Variants in DMBT1 observed in about 807,000 individuals in gnomAD.
The protein encoded by DMBT1 is scavenger receptor cysteine-rich domain-containing protein DMBT1.
Under a neutral mutation model 252.9 loss-of-function variants are expected in DMBT1, and 198 were observed. That is an observed-to-expected ratio of 0.78 (90% CI 0.70 to 0.88). DMBT1 has a LOEUF of 0.88. Ranked by LOEUF, DMBT1 falls within the 40% of genes least tolerant of loss-of-function variation. The probability of loss-of-function intolerance (pLI) is 0.00; values close to 1 mark genes in which losing one functional copy is unlikely to be tolerated. For missense variants in DMBT1, 2,432 were observed against 2,404.7 expected, an observed-to-expected ratio of 1.01 and a Z score of -0.24; for synonymous variants, 990 against 942.7, an observed-to-expected ratio of 1.05 and a Z score of -0.92.
intron 3 of DMBT1, 141 bp downstream of exon 3, chr10:122,570,350 A>G (rs3740224): frequency 1.3e-6 from 1 of 764,882 alleles, no homozygotes; most frequent in Non-Finnish European, 2.2e-6. Context: ...CCCAGGCTAC[A>G]ATGCCTGGGG....
chr10:122,562,289 A>G (rs1362807457), intron 1 of DMBT1, among the ~76,000 whole-genome samples: 2 of 151,976 alleles, frequency 1.3e-5, no homozygotes, highest in African/African-American at 4.8e-5. Context: ...TAACTTCTGG[A>G]ACTGTCACTC....
intron 27 of DMBT1, 82 bp from the exon 28 acceptor site, chr10:122,600,909 A>C (rs941903883): frequency 1.5e-6 from 1 of 657,406 alleles, no homozygotes; most frequent in South Asian, 1.8e-5. Context: ...TGCCAGGTGG[A>C]TTCCCCCTCC....
rs1240178545 is a variant in DMBT1 at position 122,577,242 on chromosome 10, C to A, written c.607+520C>A. Among the ~76,000 whole-genome samples, 4 of 152,208 alleles carry A rather than the reference C, an allele frequency of 2.6e-5. No homozygotes were observed. The East Asian group carries it at 7.7e-4, about 29-fold the overall frequency. ...GATCTGGTTGGTGAAGCCTTCCCTC[C>A]CCTTGAACACTGTATTACCTTGAGT... On this transcript the variant is annotated intron_variant, in intron 7 of 55. Coordinates refer to ENST00000338354, the MANE Select transcript of DMBT1 (RefSeq NM_001377530.1).
chr10:122,643,117 T>C lies in DMBT1; in HGVS notation c.7353-5T>C. Reference sequence around the variant, plus strand: ...GAGAGCTAAGGGGCTACTGTTCTCTTCCAGATGCGTGAGGGATGACACCTA... The same window carrying C: ...GAGAGCTAAGGGGCTACTGTTCTCTCCCAGATGCGTGAGGGATGACACCTA... On this transcript the variant is annotated splice_polypyrimidine_tract_variant and splice_region_variant and intron_variant, in intron 55 of 55. Transcript: ENST00000338354. The C allele has an allele frequency of 6.2e-7, 1 of 1,613,216 alleles. No individual in the cohort carries two copies. The highest frequency in any genetic ancestry group is 8.5e-7 in the Non-Finnish European group (1 of 1,179,354).
In DMBT1 at chr10:122,631,873, C is replaced by T; in HGVS notation, c.6365C>T (p.Pro2122Leu). The part of the protein sequence containing the change: ...VICSGNHLST[P>L]APFLNITRPN... Reference sequence around the variant, plus strand: ...TTTTCAGGAAACCATCTATCGACACCTGGTAAGTCCCTCCGATTTCCATTC... The same window carrying T: ...TTTTCAGGAAACCATCTATCGACACTTGGTAAGTCCCTCCGATTTCCATTC... Residue 2122 changes from proline (P) to leucine (L), a missense_variant and splice_region_variant, in exon 50 of 56, where the codon CCT becomes CTT. By Grantham distance (98) the Pro-to-Leu change is moderately conservative. Around this residue, in one of 3 missense-constraint regions of DMBT1, gnomAD observed 1,162 missense variants for 1,169.0 expected, o/e 0.99. Transcript: ENST00000338354. The T allele has an allele frequency of 6.2e-7, 1 of 1,613,910 alleles. No homozygotes were observed. Among genetic ancestry groups the T allele is most frequent in the Non-Finnish European group, 8.5e-7 (1 of 1,179,840 alleles).
chr10:122,633,522 G>C (rs759061210), intron 52 of DMBT1, among the ~76,000 whole-genome samples, 181 bp downstream of exon 52: 1 of 152,214 alleles, frequency 6.6e-6, no homozygotes, highest in Non-Finnish European at 1.5e-5. Flanking sequence ...ACCTAGCCCA[G>C]AGGCATCCCG....
In DMBT1 at chr10:122,640,458, T is replaced by G; in HGVS notation, c.7352+9T>G. The G allele has an allele frequency of 6.2e-7, 1 of 1,606,604 alleles. No homozygotes were observed. Among genetic ancestry groups the G allele is most frequent in the Non-Finnish European group, 8.5e-7 (1 of 1,176,116 alleles). On this transcript the variant is annotated intron_variant, in intron 55 of 55. Coordinates refer to ENST00000338354, the MANE Select transcript of DMBT1 (RefSeq NM_001377530.1). ...GATCTAATCCGGAGTGGGTAAGGAG[T>G]GTCTTTATGCGATGGCCTTAAACCT...
chr10:122,622,960 C>G (rs2098084731), intron 44 of DMBT1, among the ~76,000 whole-genome samples: 1 of 152,170 alleles, frequency 6.6e-6, no homozygotes, highest in Non-Finnish European at 1.5e-5. Context: ...CTTCCCTCTC[C>G]CTGGCTGTTG....
chr10:122,567,081 T>C (rs1395490056), intron 2 of DMBT1, among the ~76,000 whole-genome samples: 2 of 152,236 alleles, frequency 1.3e-5, no homozygotes, highest in East Asian at 3.9e-4. Flanking sequence ...TCACTTAGGA[T>C]GACTCTGCTC....
chr10:122,626,695 C>T (rs1460960518), intron 46 of DMBT1, among the ~76,000 whole-genome samples: 2 of 152,190 alleles, frequency 1.3e-5, no homozygotes, highest in African/African-American at 4.8e-5. Flanking sequence ...AAGAGACAAA[C>T]TGATCTTCTT....
chr10:122,643,358 A>G lies in DMBT1; in HGVS notation c.7589A>G (p.Gln2530Arg), dbSNP rs925273303. Reference protein sequence around the residue: ...EKVDVVLGPIQLQTPPRREEE... With the variant: ...EKVDVVLGPIRLQTPPRREEE... ...GTGGACGTCGTCCTGGGTCCCATCC[A>G]GCTGCAGACCCCCCCACGCCGAGAA... Residue 2530 changes from glutamine to arginine, a missense_variant, in exon 56 of 56, where the codon CAG (glutamine) becomes CGG (arginine). Physicochemically the swap from Gln to Arg is conservative, Grantham distance 43. Around this residue, in one of 3 missense-constraint regions of DMBT1, gnomAD observed 1,162 missense variants for 1,169.0 expected, o/e 0.99. Transcript: ENST00000338354. The G allele has an allele frequency of 7.4e-6, 12 of 1,613,918 alleles. No individual in the cohort carries two copies. The highest frequency in any genetic ancestry group is 1.0e-5 in the Non-Finnish European group (12 of 1,179,874).
chr10:122,640,195 C>A lies in DMBT1; in HGVS notation c.7098C>A (p.His2366Gln), dbSNP rs754318659. The change falls in exon 55 of 56, where the codon CAC becomes CAA. Residue 2366 changes from histidine to glutamine, a missense_variant. This residue lies in a region of DMBT1 where 1,162 missense variants were observed against 1,169.0 expected (regional missense o/e 0.99). Transcript: ENST00000338354. ...TGTACATTGCTAATGACACCATCCA[C>A]GTTGCTAATAACACCATCCAGGTCG... ...DTMYIANDTI[H>Q]VANNTIQVEE... 8 of 1,613,970 alleles carry A rather than the reference C, an allele frequency of 5.0e-6. No individual in the cohort carries two copies. The highest frequency in any genetic ancestry group is 6.8e-6 in the Non-Finnish European group (8 of 1,179,910).
intron 8 of DMBT1, among the ~76,000 whole-genome samples, chr10:122,578,158 A>G (rs3019532): frequency 0.29 from 44,140 of 152,094 alleles, 6,593 homozygotes; most frequent in Non-Finnish European, 0.31. Flanking sequence ...AACCTTTCTG[A>G]GAATTGAGGG....
chr10:122,597,461 G>T (rs1260085814), intron 24 of DMBT1, among the ~76,000 whole-genome samples: 4 of 152,178 alleles, frequency 2.6e-5, no homozygotes, highest in African/African-American at 9.7e-5. Context: ...GGCAAGCAAT[G>T]TCAGTGCAGG....
chr10:122,572,244 G>C lies in DMBT1; in HGVS notation c.188-70G>C, dbSNP rs1432224932. The C allele has an allele frequency of 6.3e-6, 10 of 1,596,114 alleles. 1 individual carries two copies. In the African/African-American group the frequency reaches 6.7e-5, roughly 11 times the overall value. ...TTTCCAGCCCTTGCTTCAGACCTGA[G>C]GAAGCCATGGACCAACCCTCTTCAA... On this transcript the variant is annotated intron_variant, in intron 4 of 55. Transcript: ENST00000338354.
chr10:122,600,273 T>A (rs991882951), intron 27 of DMBT1, among the ~76,000 whole-genome samples, 180 bp downstream of exon 27: 9 of 150,418 alleles, frequency 6.0e-5, no homozygotes, highest in Non-Finnish European at 1.2e-4. Context: ...CACACAGGAT[T>A]GAGGAGGCCT....
intron 52 of DMBT1, among the ~76,000 whole-genome samples, chr10:122,635,069 GTCC>G (rs1482657571): frequency 6.6e-6 from 1 of 152,216 alleles, no homozygotes; most frequent in East Asian, 1.9e-4. Context: ...AGCTGATGCA[GTCC>G]TATGGGAAAA....
chr10:122,565,850 A>G (rs1246613358), intron 1 of DMBT1, 117 bp from the exon 2 acceptor site: 7 of 970,256 alleles, frequency 7.2e-6, no homozygotes, highest in Admixed American at 6.0e-5. Flanking sequence ...CACAAACCCA[A>G]GATTGAGCCA....
intron 40 of DMBT1, 117 bp downstream of exon 40, chr10:122,617,377 G>A: frequency 2.3e-6 from 3 of 1,305,394 alleles, no homozygotes; most frequent in Non-Finnish European, 3.2e-6. Context: ...CTGTGGGTTG[G>A]GTGGGAGGAA....
Sources: gnomAD v4.1 joint callset for allele counts (sites outside exome capture counted in the v4.1 genomes callset) on GRCh38, gnomAD v4.1.1 for gene constraint, gnomAD v4.1.1 regional missense constraint, MANE v1.5 for transcripts, NCBI Gene and HGNC (gene_info 2026-07-23, HGNC 2026-07-21) for gene names.